Variants in SLC15A2 observed in about 807,000 individuals in gnomAD.
SLC15A2 encodes kidney H(+)/peptide cotransporter.
A neutral mutation model predicts 95.5 loss-of-function variants in SLC15A2; 77 were observed. The observed-to-expected ratio is 0.81, with a 90% CI of 0.67 to 0.97. The LOEUF is 0.97. Among genes scored for constraint, SLC15A2 ranks in the 50% least tolerant of loss-of-function variants. The pLI is 0.00. For missense variants in SLC15A2, 893 were observed against 874.4 expected, an observed-to-expected ratio of 1.02 and a Z score of -0.27; for synonymous variants, 306 against 306.9, an observed-to-expected ratio of 1.00 and a Z score of 0.03.
At chr3:121,924,473 T>G in intron 12 of SLC15A2, 90 bp downstream of exon 12, 1 of 1,182,388 alleles carries the variant, frequency 8.5e-7, no homozygotes, top group South Asian at 1.3e-5. Context: ...CATAATTTGA[T>G]GCTTTTCTCC....
In SLC15A2 at chr3:121,931,688, T is replaced by C. The variant is rs1229561148; in HGVS notation, c.1714T>C (p.Leu572=). The stretch of plus-strand genomic sequence containing the variant: ...AGAAGATAAGAACTTTTCTCTGAAT[T>C]TGGGTCTTCTAGACTTTGGTGCAGC... ...RTEDKNFSLN[L]GLLDFGAAYL... The change falls in exon 19 of 22, where the codon TTG becomes CTG. Residue 572 remains leucine, a synonymous_variant. Coordinates refer to ENST00000489711, the MANE Select transcript of SLC15A2 (RefSeq NM_021082.4). The C allele has an allele frequency of 9.9e-6, 16 of 1,613,732 alleles. No individual in the cohort carries two copies. The highest frequency in any genetic ancestry group is 1.4e-5 in the Non-Finnish European group (16 of 1,179,682).
At chr3:121,923,005 C>G (rs1236478969) in intron 9 of SLC15A2, 35 bp from the exon 10 acceptor site, 1 of 1,605,244 alleles carries the variant, frequency 6.2e-7, no homozygotes. Flanking sequence ...TACAGAACTT[C>G]TAGCATTTCT....
chr3:121,906,898 C>T (rs945897828), intron 3 of SLC15A2, among the ~76,000 whole-genome samples: 1 of 152,120 alleles, frequency 6.6e-6, no homozygotes, highest in South Asian at 2.1e-4. Flanking sequence ...TGTTGGCCTG[C>T]CTTGCTAGGT....
chr3:121,920,572 G>C (rs1709985604), intron 7 of SLC15A2, among the ~76,000 whole-genome samples: 1 of 152,082 alleles, frequency 6.6e-6, no homozygotes, highest in East Asian at 1.9e-4. Flanking sequence ...CTAAGTTTAC[G>C]GGTGTGAGCC....
At chr3:121,937,782 A>G (rs1046070421) in intron 19 of SLC15A2, among the ~76,000 whole-genome samples, 1 of 152,346 alleles carries the variant, frequency 6.6e-6, no homozygotes, top group Non-Finnish European at 1.5e-5. Flanking sequence ...GTCATTCTCT[A>G]TCCGGCTTTG....
Position 121,942,433 on chromosome 3 carries a change from A to G in SLC15A2, c.*1426A>G, listed in dbSNP as rs1710479134. The G allele has an allele frequency of 6.6e-6, 1 of 152,212 alleles. No individual in the cohort carries two copies. The highest frequency in any genetic ancestry group is 1.5e-5 in the Non-Finnish European group (1 of 68,036). 9.4% of individuals were successfully genotyped at this position (152,212 alleles called of 1,614,324 possible). A position where few individuals can be genotyped will look rare whatever the true frequency, so the allele number is the denominator to read the frequency against. On this transcript the variant is annotated 3_prime_UTR_variant, in exon 22 of 22. Coordinates refer to ENST00000489711, the MANE Select transcript of SLC15A2 (RefSeq NM_021082.4). ...GAACAGTGTTGGGTCTCATACTGTTAATGTTAATACGTAACAATGTTCATG... is the reference window on the plus strand; with the variant it reads ...GAACAGTGTTGGGTCTCATACTGTTGATGTTAATACGTAACAATGTTCATG...
chr3:121,913,235 G>C, intron 5 of SLC15A2, 115 bp downstream of exon 5: 9 of 744,588 alleles, frequency 1.2e-5, no homozygotes, highest in Non-Finnish European at 2.1e-5. Context: ...TCTTATCTGA[G>C]CAGTTGTATT....
chr3:121,920,571 C>T (rs1709985549), intron 7 of SLC15A2, among the ~76,000 whole-genome samples: 1 of 152,188 alleles, frequency 6.6e-6, no homozygotes, highest in South Asian at 2.1e-4. Context: ...GCTAAGTTTA[C>T]GGGTGTGAGC....
intron 7 of SLC15A2, among the ~76,000 whole-genome samples, chr3:121,920,268 T>A (rs1453485356): frequency 6.6e-6 from 1 of 152,120 alleles, no homozygotes; most frequent in Non-Finnish European, 1.5e-5. Flanking sequence ...AAAATTTTCC[T>A]TTGTCCAGGT....
intron 3 of SLC15A2, among the ~76,000 whole-genome samples, chr3:121,910,602 T>A (rs535385215): frequency 7.5e-4 from 114 of 152,332 alleles, no homozygotes; most frequent in African/African-American, 2.5e-3. Context: ...CTGAGAGTTC[T>A]GACATCTCTG....
chr3:121,918,765 G>A (rs183128637), intron 7 of SLC15A2, among the ~76,000 whole-genome samples: 128 of 152,278 alleles, frequency 8.4e-4, no homozygotes, highest in Non-Finnish European at 1.4e-3. Context: ...TTAAGATAAG[G>A]GTGACAGATG....
chr3:121,895,739 C>T (rs989119924), intron 1 of SLC15A2, among the ~76,000 whole-genome samples: 4 of 152,252 alleles, frequency 2.6e-5, no homozygotes, highest in South Asian at 4.1e-4. Flanking sequence ...AAGCATAATT[C>T]TTTTAATGTC....
intron 3 of SLC15A2, among the ~76,000 whole-genome samples, chr3:121,900,724 C>T (rs1196699468): frequency 6.6e-6 from 1 of 152,082 alleles, no homozygotes; most frequent in African/African-American, 2.4e-5. Flanking sequence ...GTCCAAACCC[C>T]GTAAGGCTCA....
At chr3:121,928,933 T>C in intron 15 of SLC15A2, 49 bp from the exon 16 acceptor site, 1 of 1,585,852 alleles carries the variant, frequency 6.3e-7, no homozygotes, top group Non-Finnish European at 8.6e-7. Flanking sequence ...ATGTCCAATA[T>C]GCAGTAGAAG....
At chr3:121,927,051 A>G (rs1710136065) in intron 13 of SLC15A2, among the ~76,000 whole-genome samples, 2 of 152,120 alleles carry the variant, frequency 1.3e-5, no homozygotes, top group Admixed American at 1.3e-4. Flanking sequence ...CCCCCATTTT[A>G]TTTGGGGAGT....
chr3:121,914,015 T>C (rs1709828063), intron 5 of SLC15A2, among the ~76,000 whole-genome samples: 1 of 151,866 alleles, frequency 6.6e-6, no homozygotes, highest in African/African-American at 2.4e-5. Context: ...ATGCCTATTA[T>C]CTCCTTCTGC....
intron 7 of SLC15A2, among the ~76,000 whole-genome samples, chr3:121,921,209 T>C (rs1168736226): frequency 6.6e-6 from 1 of 152,158 alleles, no homozygotes; most frequent in Non-Finnish European, 1.5e-5. Flanking sequence ...GTTTACAGCA[T>C]AGGGTATCTC....
chr3:121,931,657 T>C lies in SLC15A2; in HGVS notation c.1683T>C (p.Cys561=), dbSNP rs376788776. The change falls in exon 19 of 22, where the codon TGT becomes TGC. Residue 561 remains cysteine, a synonymous_variant. Transcript: ENST00000489711. ...VQRGEYPAVH[C]RTEDKNFSLN... ...GTTCCAGATACCCTGCAGTGCACTG[T>C]AGAACAGAAGATAAGAACTTTTCTC... The C allele has an allele frequency of 4.3e-6, 7 of 1,611,898 alleles. No individual in the cohort carries two copies. The African/African-American group carries it at 9.3e-5, about 22-fold the overall frequency.
At chr3:121,909,985 CT>C (rs869242883) in intron 3 of SLC15A2, among the ~76,000 whole-genome samples, 1 of 117,010 alleles carries the variant, frequency 8.5e-6, no homozygotes, top group Admixed American at 7.5e-5. Context: ...GCTCAAACTC[CT>C]TTTTTTTTCC....
Sources: gnomAD v4.1 joint callset for allele counts (sites outside exome capture counted in the v4.1 genomes callset) on GRCh38, gnomAD v4.1.1 for gene constraint, MANE v1.5 for transcripts, NCBI Gene and HGNC (gene_info 2026-07-23, HGNC 2026-07-21) for gene names.